Variants in SMYD3 observed in about 807,000 individuals in gnomAD.
SMYD3 encodes SET and MYND domain containing 3.
Under a neutral mutation model 57.7 loss-of-function variants are expected in SMYD3, and 36 were observed. The observed-to-expected ratio is 0.62, with a 90% CI of 0.48 to 0.82. SMYD3 has a LOEUF of 0.82. Ranked by LOEUF, SMYD3 falls within the 40% of genes least tolerant of loss-of-function variation. The pLI, the probability that SMYD3 is intolerant of heterozygous loss-of-function variation, is 0.00. For missense variants in SMYD3, 515 were observed against 538.8 expected (o/e 0.96, Z 0.44); for synonymous variants, 211 against 195.0 (o/e 1.08, Z -0.68).
At chr1:246,363,522 G>A (rs568228077) in intron 1 of SMYD3, among the ~76,000 whole-genome samples, 24 of 152,338 alleles carry the variant, frequency 1.6e-4, no homozygotes, top group South Asian at 4.1e-4. Context: ...GATGGTTGCC[G>A]TGTCTGTGTA....
intron 5 of SMYD3, among the ~76,000 whole-genome samples, chr1:246,161,992 AG>A (rs1187110058): frequency 2.0e-5 from 3 of 152,206 alleles, no homozygotes; most frequent in Non-Finnish European, 4.4e-5. Context: ...GGAGAGTTTC[AG>A]GAACAGAAGA....
intron 5 of SMYD3, among the ~76,000 whole-genome samples, chr1:246,277,870 A>G (rs2064365725): frequency 6.6e-6 from 1 of 152,230 alleles, no homozygotes; most frequent in East Asian, 1.9e-4. Context: ...CCAGACGTGT[A>G]GGAGGATTGA....
chr1:245,911,245 G>T (rs2054954682), intron 8 of SMYD3, among the ~76,000 whole-genome samples: 1 of 152,062 alleles, frequency 6.6e-6, no homozygotes, highest in Admixed American at 6.6e-5. Flanking sequence ...GGAGAAAGGG[G>T]AAGGCTCACA....
At chr1:246,417,391 A>C (rs1040982961) in intron 1 of SMYD3, 11 of 151,094 alleles carry the variant, frequency 7.3e-5, no homozygotes, top group Admixed American at 6.6e-4. Context: ...GAAGGAGGGG[A>C]GGTATCTCTC....
chr1:245,958,541 C>T (rs1269807642), intron 5 of SMYD3, among the ~76,000 whole-genome samples: 1 of 152,150 alleles, frequency 6.6e-6, no homozygotes, highest in African/African-American at 2.4e-5. Context: ...AGGGTTGCCT[C>T]CTTCAGGAAG....
At chr1:246,363,683 C>T (rs1482979370) in intron 1 of SMYD3, among the ~76,000 whole-genome samples, 13 of 152,072 alleles carry the variant, frequency 8.5e-5, no homozygotes, top group African/African-American at 2.4e-4. Flanking sequence ...GGATTAAGGG[C>T]TGTGCAAGAT....
chr1:245,799,186 T>C (rs2047734596), intron 10 of SMYD3, among the ~76,000 whole-genome samples: 1 of 152,166 alleles, frequency 6.6e-6, no homozygotes, highest in South Asian at 2.1e-4. Context: ...GGGCTGGGCA[T>C]CCAGCCTTCC....
chr1:246,123,104 GA>G (rs1326585823), intron 5 of SMYD3, among the ~76,000 whole-genome samples: 1 of 152,052 alleles, frequency 6.6e-6, no homozygotes, highest in East Asian at 1.9e-4. Context: ...ACTGAAAATT[GA>G]ATAACAATTA....
At chr1:246,472,305 A>G (rs1572529391) in intron 1 of SMYD3, among the ~76,000 whole-genome samples, 2 of 152,214 alleles carry the variant, frequency 1.3e-5, no homozygotes, top group African/African-American at 4.8e-5. Context: ...TTGCAATTTA[A>G]TGAGTGGAAT....
At chr1:246,465,644 C>A (rs917992644) in intron 1 of SMYD3, among the ~76,000 whole-genome samples, 1 of 151,856 alleles carries the variant, frequency 6.6e-6, no homozygotes, top group South Asian at 2.1e-4. Context: ...CCAGCACCAG[C>A]CTGGGGAATA....
intron 5 of SMYD3, among the ~76,000 whole-genome samples, chr1:246,042,137 T>C (rs1156284982): frequency 6.6e-6 from 1 of 152,208 alleles, no homozygotes; most frequent in East Asian, 1.9e-4. Context: ...AAGTTTTCTG[T>C]GTGTTCTGGA....
At chr1:246,248,631 CTTTCCT>C (rs1465954688) in intron 5 of SMYD3, among the ~76,000 whole-genome samples, 3 of 119,274 alleles carry the variant, frequency 2.5e-5, no homozygotes, top group African/African-American at 3.4e-5. Flanking sequence ...AGCTCTCTGA[CTTTCCT>C]TTTTTTTTTT....
At chr1:245,832,538 T>C (rs1408692279) in intron 10 of SMYD3, among the ~76,000 whole-genome samples, 4 of 151,822 alleles carry the variant, frequency 2.6e-5, no homozygotes, top group Admixed American at 2.6e-4. Flanking sequence ...ATAAGTAATA[T>C]AGTTTTGTTT....
At chr1:246,313,537 A>C (rs913030528) in intron 5 of SMYD3, among the ~76,000 whole-genome samples, 4 of 152,224 alleles carry the variant, frequency 2.6e-5, no homozygotes, top group Non-Finnish European at 5.9e-5. Flanking sequence ...GCTCTGCATA[A>C]ACAGTGTCTT....
chr1:246,384,489 G>A (rs1300376579), intron 1 of SMYD3, among the ~76,000 whole-genome samples: 6 of 151,826 alleles, frequency 4.0e-5, no homozygotes, highest in South Asian at 2.1e-4. Context: ...TCCGCCACCC[G>A]GATTCAAGCA....
chr1:246,018,722 C>A lies in SMYD3; in HGVS notation c.532-88785G>T, dbSNP rs187420981. 3.3e-3 allele frequency among the ~76,000 whole-genome samples: 500 copies of A among 151,732 alleles called. 6 individuals carry two copies. Among genetic ancestry groups the A allele is most frequent in the Admixed American group, 8.5e-3 (129 of 15,262 alleles). ...CGGGGCTCATGCAATCTTCCTGCCACAGCCTCCCAAGTAGCTAGGACCACA... is the reference window on the plus strand; with the variant it reads ...CGGGGCTCATGCAATCTTCCTGCCAAAGCCTCCCAAGTAGCTAGGACCACA... On this transcript the variant is annotated intron_variant, in intron 5 of 11. Transcript: ENST00000490107.
At chr1:246,158,284 A>G (rs998324470) in intron 5 of SMYD3, among the ~76,000 whole-genome samples, 1 of 152,234 alleles carries the variant, frequency 6.6e-6, no homozygotes, top group Non-Finnish European at 1.5e-5. Flanking sequence ...CTAAAATTTC[A>G]TTCTATGTAC....
intron 1 of SMYD3, among the ~76,000 whole-genome samples, chr1:246,441,239 G>A (rs996241503): frequency 1.3e-5 from 2 of 152,120 alleles, no homozygotes; most frequent in South Asian, 2.1e-4. Flanking sequence ...TTTCTTGGTC[G>A]TCATTTGTGT....
chr1:245,948,711 G>A (rs2147931156), intron 5 of SMYD3, among the ~76,000 whole-genome samples: 1 of 152,276 alleles, frequency 6.6e-6, no homozygotes, highest in South Asian at 2.1e-4. Flanking sequence ...AGCCACTGCT[G>A]GCTCCTGCTG....
Sources: allele counts gnomAD v4.1 joint callset (sites outside exome capture counted in the v4.1 genomes callset), GRCh38; gene constraint gnomAD v4.1.1; transcripts MANE v1.5; gene names NCBI Gene and HGNC (gene_info 2026-07-23, HGNC 2026-07-21).